The following STAMBP variants were observed in gnomAD, a reference collection of about 807,000 sequenced individuals.
STAMBP encodes the protein STAM binding protein.
A neutral mutation model predicts 50.7 loss-of-function variants in STAMBP; 31 were observed. The observed-to-expected ratio is 0.61, with a 90% CI of 0.46 to 0.83. The LOEUF (loss-of-function observed/expected upper bound fraction) is 0.83. STAMBP is among the 40% of genes least tolerant of loss of function. The pLI is 0.00. For synonymous variants in STAMBP, 211 were observed against 192.4 expected (o/e 1.10, Z -0.80); for missense variants, 472 against 518.9 (o/e 0.91, Z 0.88).
rs541645301 is a variant in STAMBP at position 73,832,427 on chromosome 2, G to A, written c.203+1368G>A. On this transcript the variant is annotated intron_variant, in intron 2 of 9. Transcript: ENST00000394070. ...CCGAGATCGTGCCACTGCACTCCAG[G>A]ACTCCAGACTAGGTGGCAAAGCGAG... Among the ~76,000 whole-genome samples the A allele has an allele frequency of 2.0e-5, 3 of 149,274 alleles. No homozygotes were observed. In the Admixed American group the frequency reaches 2.0e-4, roughly 10 times the overall value.
At chr2:73,833,854 G>A (rs1228529017) in intron 2 of STAMBP, among the ~76,000 whole-genome samples, 1 of 151,926 alleles carries the variant, frequency 6.6e-6, no homozygotes, top group Non-Finnish European at 1.5e-5. Flanking sequence ...AAACAGATAA[G>A]CAAATAAATA....
At position 73,849,735 on chromosome 2, in the gene STAMBP, A is replaced by C. The variant is rs187714676; in HGVS notation, c.867+248A>C. ...AACTTGGTAGGAAGATCCAGTCATTATCTACATATCAATTTTTTTGGTACC... is the reference window on the plus strand; with the variant it reads ...AACTTGGTAGGAAGATCCAGTCATTCTCTACATATCAATTTTTTTGGTACC... On this transcript the variant is annotated intron_variant, in intron 6 of 9. Coordinates refer to ENST00000394070, the MANE Select transcript of STAMBP (RefSeq NM_213622.4). Among the ~76,000 whole-genome samples, 223 of 152,326 alleles carry C rather than the reference A, an allele frequency of 1.5e-3. 2 individuals are homozygous for C. The highest frequency in any genetic ancestry group is 3.7e-3 in the South Asian group (18 of 4,820).
At chr2:73,843,033 G>C (rs1209020844) in intron 2 of STAMBP, among the ~76,000 whole-genome samples, 3 of 151,950 alleles carry the variant, frequency 2.0e-5, no homozygotes, top group Non-Finnish European at 4.4e-5. Flanking sequence ...TTGGCTTTTG[G>C]GGCTAAGATG....
chr2:73,849,995 A>G (rs950300520), intron 6 of STAMBP, among the ~76,000 whole-genome samples: 6 of 152,234 alleles, frequency 3.9e-5, no homozygotes, highest in Admixed American at 3.9e-4. Flanking sequence ...GAGTAAATGT[A>G]AGCCGAGGCT....
At chr2:73,837,584 C>CAAAAAAAAAAAAAAAAAA (rs56397494) in intron 2 of STAMBP, among the ~76,000 whole-genome samples, 1 of 40,884 alleles carries the variant, frequency 2.4e-5, no homozygotes, top group Non-Finnish European at 4.8e-5. Context: ...GACTCCATCT[C>CAAAAAAAAAAAAAAAAAA]AAAAAAAAAA....
In STAMBP at chr2:73,829,396, C is replaced by T. The variant is rs1673617742; in HGVS notation, c.-127C>T. 6.6e-6 allele frequency: 1 copy of T among 152,504 alleles called. No individual in the cohort carries two copies. Among genetic ancestry groups the T allele is most frequent in the Non-Finnish European group, 1.5e-5 (1 of 68,282 alleles). The allele number at this position is 152,504 out of a possible 1,614,324, so 9.4% of individuals were successfully genotyped here. A position where few individuals can be genotyped will look rare whatever the true frequency, so the allele number is the denominator to read the frequency against. ...GGTCCTTTACGCCGCCTTTCCCCCT[C>T]ATTTGCAGATGCTGCATCCCCTTTT... On this transcript the variant is annotated 5_prime_UTR_variant, in exon 1 of 10. Transcript: ENST00000394070.
At chr2:73,849,157 T>C (rs910236350) in intron 5 of STAMBP, among the ~76,000 whole-genome samples, 1 of 152,216 alleles carries the variant, frequency 6.6e-6, no homozygotes, top group African/African-American at 2.4e-5. Context: ...CTTGAAGTAA[T>C]GTGCTCCTTA....
downstream of STAMBP, among the ~76,000 whole-genome samples, chr2:73,867,593 A>G (rs940254779): frequency 6.6e-6 from 1 of 152,184 alleles, no homozygotes; most frequent in Non-Finnish European, 1.5e-5. Flanking sequence ...AAGAAAGGCA[A>G]ATGAGAAAAA....
At chr2:73,872,088 T>C (rs953418652), downstream of STAMBP, among the ~76,000 whole-genome samples, 1 of 152,156 alleles carries the variant, frequency 6.6e-6, no homozygotes, top group Non-Finnish European at 1.5e-5. Flanking sequence ...AAAGAACTTT[T>C]TAGTTCAACA....
At chr2:73,859,230 C>G in intron 7 of STAMBP, 24 bp from the exon 8 acceptor site, 4 of 1,577,228 alleles carry the variant, frequency 2.5e-6, no homozygotes, top group Non-Finnish European at 3.5e-6. Context: ...GCTAAGAGTC[C>G]TCTGACTCTT....
chr2:73,856,580 C>T (rs1030959740), intron 7 of STAMBP, among the ~76,000 whole-genome samples: 1 of 152,212 alleles, frequency 6.6e-6, no homozygotes, highest in African/African-American at 2.4e-5. Flanking sequence ...GTTCCAAGGG[C>T]CACTGAGTGC....
At chr2:73,862,147 A>G in intron 9 of STAMBP, 56 bp from the exon 10 acceptor site, 1 of 1,544,312 alleles carries the variant, frequency 6.5e-7, no homozygotes, top group South Asian at 1.2e-5. Context: ...AAGAAAAAAA[A>G]AAAAAAGACT....
At chr2:73,847,099 G>T (rs910443720) in intron 4 of STAMBP, among the ~76,000 whole-genome samples, 1 of 125,408 alleles carries the variant, frequency 8.0e-6, no homozygotes, top group Non-Finnish European at 1.7e-5. Context: ...AAAAAAAAAA[G>T]ATTTCAGTGA....
At chr2:73,860,224 C>A in intron 9 of STAMBP, 73 bp downstream of exon 9, 1 of 1,285,554 alleles carries the variant, frequency 7.8e-7, no homozygotes, top group Admixed American at 1.8e-5. Context: ...TGAAATGCAT[C>A]ATCCTTTCTG....
intron 5 of STAMBP, among the ~76,000 whole-genome samples, chr2:73,848,176 A>T (rs1218791153): frequency 1.3e-5 from 2 of 151,456 alleles, no homozygotes; most frequent in East Asian, 1.9e-4. Flanking sequence ...TTTTTTTTTT[A>T]AATATGAAAA....
At chr2:73,844,655 G>T in intron 2 of STAMBP, 158 bp from the exon 3 acceptor site, 1 of 530,218 alleles carries the variant, frequency 1.9e-6, no homozygotes. Context: ...GATAGAGATG[G>T]GAAAGGAGCA....
chr2:73,856,431 G>C (rs1677558749), intron 7 of STAMBP, among the ~76,000 whole-genome samples: 1 of 152,252 alleles, frequency 6.6e-6, no homozygotes, highest in African/African-American at 2.4e-5. Context: ...GGGTGACTCA[G>C]TGGTATGAAG....
downstream of STAMBP, among the ~76,000 whole-genome samples, chr2:73,870,846 C>T (rs1377188537): frequency 6.6e-6 from 1 of 152,176 alleles, no homozygotes; most frequent in Non-Finnish European, 1.5e-5. Context: ...TAACACCCTG[C>T]TTGCCACACT....
In STAMBP at chr2:73,859,313, C is replaced by G; in HGVS notation, c.1065C>G (p.Tyr355Ter). Reference sequence around the variant, plus strand: ...TCGACCTACACACTCACTGCTCTTACCAGATGATGTTGCCAGAGTCAGTAG... The same window carrying G: ...TCGACCTACACACTCACTGCTCTTAGCAGATGATGTTGCCAGAGTCAGTAG... The part of the protein sequence containing the change: ...SSVDLHTHCS[Y>*]QMMLPESVAI... Residue 355 changes from tyrosine (Y) to a stop codon, truncating the protein, a stop_gained, in exon 8 of 10, where the codon TAC becomes TAG. Coordinates refer to ENST00000394070, the MANE Select transcript of STAMBP (RefSeq NM_213622.4). LOFTEE classifies it high-confidence loss of function. 6.2e-7 allele frequency: 1 copy of G among 1,614,190 alleles called. No homozygotes were observed. Among genetic ancestry groups the G allele is most frequent in the Non-Finnish European group, 8.5e-7 (1 of 1,180,010 alleles).
Sources: gnomAD v4.1 joint callset for allele counts (sites outside exome capture counted in the v4.1 genomes callset) on GRCh38, gnomAD v4.1.1 for gene constraint, MANE v1.5 for transcripts, NCBI Gene and HGNC (gene_info 2026-07-23, HGNC 2026-07-21) for gene names.